The following CFAP251 variants were observed in gnomAD, a reference collection of about 807,000 sequenced individuals.
CFAP251 encodes the protein cilia- and flagella-associated protein 251.
A neutral mutation model predicts 126.7 loss-of-function variants in CFAP251; 93 were observed. The ratio of observed to expected loss-of-function variants is 0.73; its 90% CI spans 0.62 to 0.87. CFAP251 has a LOEUF of 0.87. Ranked by LOEUF, CFAP251 falls within the 40% of genes least tolerant of loss-of-function variation. The pLI, the probability that CFAP251 is intolerant of heterozygous loss-of-function variation, is 0.00. For synonymous variants in CFAP251, 503 were observed against 506.9 expected, an observed-to-expected ratio of 0.99 and a Z score of 0.10; for missense variants, 1,287 against 1,389.2, an observed-to-expected ratio of 0.93 and a Z score of 1.17.
chr12:121,934,483 G>T, intron 5 of CFAP251, 127 bp downstream of exon 5: 1 of 673,556 alleles, frequency 1.5e-6, no homozygotes. Context: ...ACAGTAGACT[G>T]GCTTATGCTG....
chr12:121,986,190 C>A (rs1882741634), intron 19 of CFAP251, among the ~76,000 whole-genome samples: 1 of 151,980 alleles, frequency 6.6e-6, no homozygotes, highest in African/African-American at 2.4e-5. Context: ...TGGGGTTTCG[C>A]CATGTTGGCC....
intron 13 of CFAP251, 50 bp from the exon 14 acceptor site, chr12:121,960,535 A>G: frequency 1.2e-6 from 2 of 1,600,806 alleles, no homozygotes; most frequent in Non-Finnish European, 1.7e-6. Flanking sequence ...ATGATTCTTA[A>G]TTTACTAAAC....
intron 17 of CFAP251, chr12:121,969,092 A>T: frequency 1.0e-6 from 1 of 985,246 alleles, no homozygotes; most frequent in African/African-American, 1.7e-5. Flanking sequence ...TGAGGAGCAA[A>T]AACAGCTCAG....
chr12:121,955,022 G>T (rs1185291046), intron 10 of CFAP251, among the ~76,000 whole-genome samples: 3 of 152,220 alleles, frequency 2.0e-5, no homozygotes, highest in Non-Finnish European at 2.9e-5. Flanking sequence ...AACATTTACA[G>T]CTGGGAGCGG....
chr12:121,978,614 GGT>G (rs752641927), intron 19 of CFAP251, among the ~76,000 whole-genome samples: 2 of 151,640 alleles, frequency 1.3e-5, no homozygotes, highest in Non-Finnish European at 2.9e-5. Context: ...GAGATTATAT[GGT>G]ATATATATGT....
At chr12:121,933,376 G>A (rs892029482) in intron 4 of CFAP251, 1 of 152,642 alleles carries the variant, frequency 6.6e-6, no homozygotes, top group Non-Finnish European at 1.5e-5. Flanking sequence ...CTGGAAAGAA[G>A]GCTGGTGTGG....
intron 5 of CFAP251, among the ~76,000 whole-genome samples, chr12:121,938,721 G>A (rs563181389): frequency 1.9e-4 from 28 of 149,938 alleles, no homozygotes; most frequent in Admixed American, 5.3e-4. Flanking sequence ...GGTGGCTCAT[G>A]CCTGTAATCC....
At position 121,946,747 on chromosome 12, in the gene CFAP251, A is replaced by ATT. The variant is rs1356735476; in HGVS notation, c.1192-2224_1192-2223dup. Among the ~76,000 whole-genome samples, 192 of 142,652 alleles carry ATT rather than the reference A, an allele frequency of 1.3e-3. 4 individuals carry two copies. In the East Asian group the frequency reaches 0.036, roughly 27 times the overall value. 93.6% of individuals were successfully genotyped at this position (142,652 alleles called of 152,430 possible). ...CAGGTGGCACCATCACACCTGGCTA[A>ATT]TTTTTTTTTTTTTTAGAGATGGGGT... On this transcript the variant is annotated intron_variant, in intron 7 of 21. Coordinates refer to ENST00000288912, the MANE Select transcript of CFAP251 (RefSeq NM_144668.6).
At chr12:121,951,622 A>C in intron 9 of CFAP251, 92 bp downstream of exon 9, 2 of 912,692 alleles carry the variant, frequency 2.2e-6, no homozygotes, top group Non-Finnish European at 3.4e-6. Flanking sequence ...CTCTTTGTAC[A>C]TCTTGATATT....
At chr12:121,923,130 C>T (rs1283383361) in intron 2 of CFAP251, among the ~76,000 whole-genome samples, 1 of 151,538 alleles carries the variant, frequency 6.6e-6, no homozygotes, top group Non-Finnish European at 1.5e-5. Flanking sequence ...CTCCCCTCCC[C>T]TCTCCTCCCC....
intron 19 of CFAP251, among the ~76,000 whole-genome samples, chr12:121,982,851 C>T (rs887184302): frequency 6.6e-6 from 1 of 152,094 alleles, no homozygotes; most frequent in African/African-American, 2.4e-5. Context: ...CCTGGAGTCC[C>T]GGCTGCTTGA....
intron 5 of CFAP251, among the ~76,000 whole-genome samples, chr12:121,935,730 G>A (rs377218978): frequency 1.2e-3 from 189 of 152,298 alleles, no homozygotes; most frequent in African/African-American, 4.3e-3. Context: ...TCGATCAAGC[G>A]TCAGATAAAC....
At chr12:121,968,217 A>C in intron 17 of CFAP251, 48 bp downstream of exon 17, 4 of 1,542,960 alleles carry the variant, frequency 2.6e-6, no homozygotes. Context: ...ACTCCTTTTC[A>C]CTCAGCAACA....
chr12:121,942,243 A>T (rs1266503319), intron 5 of CFAP251, among the ~76,000 whole-genome samples: 1 of 152,030 alleles, frequency 6.6e-6, no homozygotes, highest in East Asian at 1.9e-4. Context: ...TGCATCCATT[A>T]TCTGTCTCTG....
In CFAP251 at chr12:121,979,563, C is replaced by CTTCTTTTTT. The variant is rs751383402; in HGVS notation, c.3006+3880_3006+3881insCTTTTTTTT. 1.2e-3 allele frequency among the ~76,000 whole-genome samples: 102 copies of CTTCTTTTTT among 84,998 alleles called. 1 individual carries two copies. The East Asian group carries it at 0.02, about 17-fold the overall frequency. The allele number at this position is 84,998 out of a possible 152,430, so 55.8% of individuals were successfully genotyped here. A position where few individuals can be genotyped will look rare whatever the true frequency, so the allele number is the denominator to read the frequency against. ...GAGATCATTAGTCAGCTTTCTTCTT[C>CTTCTTTTTT]TTTTTTTTTTTTTTTTTTTGAGACA... On this transcript the variant is annotated intron_variant, in intron 19 of 21. Transcript: ENST00000288912.
Position 121,931,739 on chromosome 12 carries a change from C to T in CFAP251, c.748-7C>T. 1 of 1,555,826 alleles carries T rather than the reference C, an allele frequency of 6.4e-7. No homozygotes were observed. The highest frequency in any genetic ancestry group is 1.3e-5 in the South Asian group (1 of 79,938). On this transcript the variant is annotated splice_region_variant and splice_polypyrimidine_tract_variant and intron_variant, in intron 3 of 21. Coordinates refer to ENST00000288912, the MANE Select transcript of CFAP251 (RefSeq NM_144668.6). Reference sequence around the variant, plus strand: ...AATGTCTTGCTGGCTTTGCCCTTGTCTTCCAGACCATGACCTGGTCGTTTG... The same window carrying T: ...AATGTCTTGCTGGCTTTGCCCTTGTTTTCCAGACCATGACCTGGTCGTTTG...
At position 121,952,906 on chromosome 12, in the gene CFAP251, A is replaced by G. The variant is rs941169223; in HGVS notation, c.1321-1214A>G. ...AGTTATGTTATATAAAGTCTCTGTAAACACCAAATTAGCAGATACTTAACT... is the reference window on the plus strand; with the variant it reads ...AGTTATGTTATATAAAGTCTCTGTAGACACCAAATTAGCAGATACTTAACT... On this transcript the variant is annotated intron_variant, in intron 9 of 21. Coordinates refer to ENST00000288912, the MANE Select transcript of CFAP251 (RefSeq NM_144668.6). The G allele has an allele frequency of 3.3e-5, 5 of 152,312 alleles. No individual in the cohort carries two copies. The East Asian group carries it at 7.7e-4, about 23-fold the overall frequency. The allele number at this position is 152,312 out of a possible 1,614,324, so 9.4% of individuals were successfully genotyped here.
chr12:121,920,688 G>A (rs1338941152), intron 1 of CFAP251, among the ~76,000 whole-genome samples: 4 of 151,824 alleles, frequency 2.6e-5, no homozygotes, highest in East Asian at 1.9e-4. Context: ...GAGCCACCAC[G>A]CCCGGCCAAC....
chr12:121,957,336 A>G, intron 11 of CFAP251, 68 bp downstream of exon 11: 1 of 1,465,990 alleles, frequency 6.8e-7, no homozygotes, highest in Non-Finnish European at 9.3e-7. Context: ...TAGTTTGCAT[A>G]CAGTGGGAGG....
Sources: gnomAD v4.1 joint callset for allele counts (sites outside exome capture counted in the v4.1 genomes callset) on GRCh38, gnomAD v4.1.1 for gene constraint, MANE v1.5 for transcripts, NCBI Gene and HGNC (gene_info 2026-07-23, HGNC 2026-07-21) for gene names.